Variants in CLN5 observed in about 807,000 individuals in gnomAD.
CLN5 encodes the protein CLN5 lysosomal BMP synthase.
CLN5 carries 34 observed loss-of-function variants against 36.7 expected under a neutral mutation model. That is an observed-to-expected ratio of 0.93 (90% CI 0.71 to 1.23). CLN5 has a LOEUF of 1.23. Among genes scored for constraint, CLN5 ranks in the 50% most tolerant of loss-of-function variants. CLN5 has a pLI of 0.00. For synonymous variants in CLN5, 151 were observed against 155.1 expected (o/e 0.97, Z 0.20); for missense variants, 427 against 439.4 (o/e 0.97, Z 0.25).
rs900371155 is a variant in CLN5, at chr13:76,995,615, C to T, written c.340-287C>T. 1.8e-5 allele frequency: 9 copies of T among 512,170 alleles called. No individual in the cohort carries two copies. In the East Asian group the frequency reaches 2.9e-4, roughly 17 times the overall value. 31.7% of individuals were successfully genotyped at this position (512,170 alleles called of 1,614,324 possible). ...CTGCTTCCAGAGACTGGCATGGGGG[C>T]TCCTCACACTTATTCTAAGCTCTAA... On this transcript the variant is annotated intron_variant, in intron 2 of 3. Coordinates refer to ENST00000377453, the MANE Select transcript of CLN5 (RefSeq NM_006493.4).
intron 1 of CLN5, chr13:76,994,774 A>G (rs564410595): frequency 6.2e-6 from 2 of 324,912 alleles, no homozygotes; most frequent in East Asian, 1.4e-4. Flanking sequence ...AATGTCTACT[A>G]TGATCTGGAG....
In CLN5 at chr13:77,001,055, C is replaced by CTT; in HGVS notation, c.*88_*89dup. 8.2e-7 allele frequency: 1 copy of CTT among 1,214,462 alleles called. No individual in the cohort carries two copies. The allele number at this position is 1,214,462 out of a possible 1,614,324, so 75.2% of individuals were successfully genotyped here. On this transcript the variant is annotated 3_prime_UTR_variant, in exon 4 of 4. Coordinates refer to ENST00000377453, the MANE Select transcript of CLN5 (RefSeq NM_006493.4). Reference sequence around the variant, plus strand: ...ATTTTACTTTTGTGAATTCCTTAGCCTTTCTTCCTTGGTGCATAAAGTTAA... The same window carrying CTT: ...ATTTTACTTTTGTGAATTCCTTAGCCTTTTTCTTCCTTGGTGCATAAAGTTAA...
In CLN5 at chr13:77,000,441, T is replaced by C; in HGVS notation, c.566-17T>C. ...GCTTTGTTCACTAGGTGACTTTGTT[T>C]TGTTTTTTTAAACTAGGAAACATGT... On this transcript the variant is annotated splice_polypyrimidine_tract_variant and intron_variant, in intron 3 of 3. Transcript: ENST00000377453. 6.2e-7 allele frequency: 1 copy of C among 1,609,900 alleles called. No homozygotes were observed. The highest frequency in any genetic ancestry group is 8.5e-7 in the Non-Finnish European group (1 of 1,178,682).
chr13:77,001,117 C>T lies in CLN5; in HGVS notation c.*148C>T, dbSNP rs912097935. The T allele has an allele frequency of 4.6e-6, 3 of 653,458 alleles. No individual in the cohort carries two copies. Among genetic ancestry groups the T allele is most frequent in the African/African-American group, 3.6e-5 (2 of 54,932 alleles). The allele number at this position is 653,458 out of a possible 1,614,324, so 40.5% of individuals were successfully genotyped here. On this transcript the variant is annotated 3_prime_UTR_variant, in exon 4 of 4. Transcript: ENST00000377453. The stretch of plus-strand genomic sequence containing the variant: ...GCAGAATTGCTGCATATTAACATCT[C>T]AGGACTCTTCTCTTGTAAAGAAGCT...
Position 77,001,375 on chromosome 13 carries a change from C to T in CLN5, c.*406C>T. The stretch of plus-strand genomic sequence containing the variant: ...TCTTCTTTCTGATATGGCAGTTACA[C>T]TTTTTCACTTAAGTGCTTTAGTTTA... On this transcript the variant is annotated 3_prime_UTR_variant, in exon 4 of 4. Coordinates refer to ENST00000377453, the MANE Select transcript of CLN5 (RefSeq NM_006493.4). The T allele has an allele frequency of 6.1e-6, 1 of 164,284 alleles. No homozygotes were observed. Among genetic ancestry groups the T allele is most frequent in the Admixed American group, 6.1e-5 (1 of 16,292 alleles). 10.2% of individuals were successfully genotyped at this position (164,284 alleles called of 1,614,324 possible). A position where few individuals can be genotyped will look rare whatever the true frequency, so the allele number is the denominator to read the frequency against.
intron 1 of CLN5, 41 bp from the exon 2 acceptor site, chr13:76,995,022 C>A: frequency 1.3e-6 from 2 of 1,590,362 alleles, no homozygotes; most frequent in South Asian, 2.2e-5. Context: ...GAATCAGATT[C>A]ATTTTAGAAT....
chr13:77,000,576 C>G lies in CLN5; in HGVS notation c.684C>G (p.Ser228=). 1 of 1,614,032 alleles carries G rather than the reference C, an allele frequency of 6.2e-7. No homozygotes were observed. Residue 228 remains serine, a synonymous_variant, in exon 4 of 4, where the codon TCC becomes TCG. Coordinates refer to ENST00000377453, the MANE Select transcript of CLN5 (RefSeq NM_006493.4). The part of the protein sequence containing the change: ...PEKGAETWFD[S]YDCSKFVLRT... The stretch of plus-strand genomic sequence containing the variant: ...AGGGGGCAGAGACATGGTTTGATTC[C>G]TACGACTGTTCCAAATTTGTGTTAA...
At chr13:76,992,530 G>A (rs986891989) in intron 1 of CLN5, 57 of 534,978 alleles carry the variant, frequency 1.1e-4, no homozygotes, top group Admixed American at 8.9e-4. Flanking sequence ...CCTGAATCGT[G>A]GAAGAAGAAA....
In CLN5 at chr13:76,992,160, G is replaced by T; in HGVS notation, c.62G>T (p.Arg21Leu). 6.2e-7 allele frequency: 1 copy of T among 1,604,390 alleles called. No individual in the cohort carries two copies. Among genetic ancestry groups the T allele is most frequent in the Non-Finnish European group, 8.5e-7 (1 of 1,177,152 alleles). Reference sequence around the variant, plus strand: ...ATGCGGCGGGGCGCGGGCGCGGCTCGGGGACGCGCTTCCTGGTGCTGGGCC... The same window carrying T: ...ATGCGGCGGGGCGCGGGCGCGGCTCTGGGACGCGCTTCCTGGTGCTGGGCC... ...AEMRRGAGAA[R>L]GRASWCWALA... The change falls in exon 1 of 4, where the codon CGG becomes CTG. Residue 21 changes from arginine (R) to leucine (L), a missense_variant. Coordinates refer to ENST00000377453, the MANE Select transcript of CLN5 (RefSeq NM_006493.4).
chr13:76,994,646 G>A (rs1192122760), intron 1 of CLN5: 2 of 166,642 alleles, frequency 1.2e-5, no homozygotes, highest in South Asian at 1.6e-4. Flanking sequence ...ATGTTAATTC[G>A]TAAGTAAATA....
rs2034390282 is a variant in CLN5 at position 77,003,130 on chromosome 13, C to T, written c.*2161C>T. ...GACCAGCCTGGCCAATGTGGTGAAA[C>T]CCCGTTTCTCCTAAAATTAAAAAAA... is the stretch of plus-strand genomic sequence containing the variant. On this transcript the variant is annotated 3_prime_UTR_variant, in exon 4 of 4. Transcript: ENST00000377453. 6.7e-6 allele frequency: 1 copy of T among 148,972 alleles called. No individual in the cohort carries two copies. The highest frequency in any genetic ancestry group is 6.6e-5 in the Admixed American group (1 of 15,102). The allele number at this position is 148,972 out of a possible 1,614,324, so 9.2% of individuals were successfully genotyped here.
At chr13:76,996,194 C>A in intron 3 of CLN5, 67 bp downstream of exon 3, 1 of 1,250,084 alleles carries the variant, frequency 8.0e-7, no homozygotes, top group Non-Finnish European at 1.2e-6. Context: ...AATTGTTATA[C>A]TTCCATTGAA....
At chr13:76,993,707 C>T (rs1466466010) in intron 1 of CLN5, 2 of 152,154 alleles carry the variant, frequency 1.3e-5, no homozygotes, top group Non-Finnish European at 2.9e-5. Context: ...TTTGTTTAAA[C>T]CAGGTAAGTG....
At chr13:76,992,440 TG>T in intron 1 of CLN5, 169 bp downstream of exon 1, 1 of 752,216 alleles carries the variant, frequency 1.3e-6, no homozygotes, top group Non-Finnish European at 2.1e-6. Flanking sequence ...AGTTGAGGAC[TG>T]GGGAGTCGCA....
At position 76,992,170 on chromosome 13, in the gene CLN5, T is replaced by C; in HGVS notation, c.72T>C (p.Ala24=). The change falls in exon 1 of 4, where the codon GCT becomes GCC. Residue 24 remains alanine (A), a synonymous_variant. Coordinates refer to ENST00000377453, the MANE Select transcript of CLN5 (RefSeq NM_006493.4). The part of the protein sequence containing the change: ...RRGAGAARGR[A]SWCWALALLW... The stretch of plus-strand genomic sequence containing the variant: ...GCGCGGGCGCGGCTCGGGGACGCGC[T>C]TCCTGGTGCTGGGCCCTGGCGCTGC... The C allele has an allele frequency of 1.2e-6, 2 of 1,605,154 alleles. No homozygotes were observed. Among genetic ancestry groups the C allele is most frequent in the Non-Finnish European group, 1.7e-6 (2 of 1,177,618 alleles).
intron 3 of CLN5, chr13:76,997,780 T>A (rs2034293471): frequency 2.0e-5 from 3 of 152,212 alleles, no homozygotes. Flanking sequence ...TTTCCCATCA[T>A]AAAAATGAAT....
Position 76,992,163 on chromosome 13 carries a change from G to A in CLN5, c.65G>A (p.Gly22Glu), listed in dbSNP as rs2034188434. 6.2e-7 allele frequency: 1 copy of A among 1,605,796 alleles called. No homozygotes were observed. Among genetic ancestry groups the A allele is most frequent in the Non-Finnish European group, 8.5e-7 (1 of 1,177,634 alleles). ...CGGCGGGGCGCGGGCGCGGCTCGGG[G>A]ACGCGCTTCCTGGTGCTGGGCCCTG... ...EMRRGAGAAR[G>E]RASWCWALAL... Residue 22 changes from glycine (G) to glutamate (E), a missense_variant, in exon 1 of 4, where the codon GGA becomes GAA. Coordinates refer to ENST00000377453, the MANE Select transcript of CLN5 (RefSeq NM_006493.4).
Position 76,992,274 on chromosome 13 carries a change from G to A in CLN5, c.173+3G>A. 1.3e-6 allele frequency: 2 copies of A among 1,561,196 alleles called. No individual in the cohort carries two copies. The highest frequency in any genetic ancestry group is 1.7e-6 in the Non-Finnish European group (2 of 1,160,872). ...CGCCACTGGCCGGTGCCCTACAAGT[G>A]AGTGCGGCGGCGCGCGCACTGTCGG... On this transcript the variant is annotated splice_donor_region_variant and intron_variant, in intron 1 of 3. Transcript: ENST00000377453.
At position 77,004,261 on chromosome 13, in the gene CLN5, T is replaced by C. The variant is rs1222003849; in HGVS notation, c.*3292T>C. 2 of 152,200 alleles carry C rather than the reference T, an allele frequency of 1.3e-5. No individual in the cohort carries two copies. Among genetic ancestry groups the C allele is most frequent in the Non-Finnish European group, 2.9e-5 (2 of 68,006 alleles). 9.4% of individuals were successfully genotyped at this position (152,200 alleles called of 1,614,324 possible). On this transcript the variant is annotated 3_prime_UTR_variant, in exon 4 of 4. Coordinates refer to ENST00000377453, the MANE Select transcript of CLN5 (RefSeq NM_006493.4). ...ATTATAGTTCCTGTAAGATGTTTTA[T>C]TTTTTAAATAGTTGGCAGGCTATAC... is the stretch of plus-strand genomic sequence containing the variant.
Sources: allele counts gnomAD v4.1 joint callset, GRCh38; gene constraint gnomAD v4.1.1; transcripts MANE v1.5; gene names NCBI Gene and HGNC (gene_info 2026-07-23, HGNC 2026-07-21).